CDH2: variants seen among roughly 807,000 people sequenced by gnomAD.
The protein encoded by CDH2 is cadherin 2, also known as cadherin-2.
A neutral mutation model predicts 92.0 loss-of-function variants in CDH2; 17 were observed. The observed-to-expected ratio is 0.18, with a 90% CI of 0.13 to 0.28. CDH2 has a LOEUF of 0.28. Among genes scored for constraint, CDH2 ranks in the 10% least tolerant of loss-of-function variants. CDH2 has a pLI of 1.00. For synonymous variants in CDH2, 419 were observed against 415.9 expected, an observed-to-expected ratio of 1.01 and a Z score of -0.09; for missense variants, 862 against 1,133.1, an observed-to-expected ratio of 0.76 and a Z score of 3.44.
intron 2 of CDH2, among the ~76,000 whole-genome samples, chr18:28,025,427 A>AGAAT (rs1292826843): frequency 3.3e-5 from 5 of 151,858 alleles, no homozygotes; most frequent in African/African-American, 7.3e-5. Context: ...CTGAGGCAGG[A>AGAAT]GAATTGCTTG....
intron 14 of CDH2, among the ~76,000 whole-genome samples, chr18:27,964,954 A>G (rs914070556): frequency 6.6e-6 from 1 of 152,208 alleles, no homozygotes; most frequent in Non-Finnish European, 1.5e-5. Context: ...AATGCTTAAA[A>G]TAACAAGGAG....
intron 2 of CDH2, among the ~76,000 whole-genome samples, chr18:28,069,999 C>T (rs2144165053): frequency 6.6e-6 from 1 of 152,204 alleles, no homozygotes; most frequent in African/African-American, 2.4e-5. Context: ...CCATAAGAAG[C>T]CTAGTAGGCA....
intron 4 of CDH2, among the ~76,000 whole-genome samples, chr18:28,010,617 A>C (rs1256112922): frequency 2.0e-5 from 3 of 152,210 alleles, no homozygotes; most frequent in Non-Finnish European, 4.4e-5. Flanking sequence ...GAGAAAAATA[A>C]GAGATCCTTA....
At chr18:28,134,016 C>T (rs763574239) in intron 2 of CDH2, among the ~76,000 whole-genome samples, 3 of 151,258 alleles carry the variant, frequency 2.0e-5, no homozygotes, top group Non-Finnish European at 2.9e-5. Flanking sequence ...TAAAAATTAG[C>T]GAGGCATGGT....
At chr18:28,117,774 C>T (rs189839835) in intron 2 of CDH2, among the ~76,000 whole-genome samples, 55 of 152,024 alleles carry the variant, frequency 3.6e-4, no homozygotes, top group African/African-American at 9.9e-4. Context: ...AATTTACAGA[C>T]GAGAAAATGG....
chr18:27,968,634 T>G (rs550345419), intron 14 of CDH2, among the ~76,000 whole-genome samples: 1 of 152,216 alleles, frequency 6.6e-6, no homozygotes, highest in Non-Finnish European at 1.5e-5. Flanking sequence ...CTCCACTGGT[T>G]AGAACCAGTG....
chr18:28,118,000 G>T (rs1231495207), intron 2 of CDH2, among the ~76,000 whole-genome samples: 1 of 151,898 alleles, frequency 6.6e-6, no homozygotes, highest in Admixed American at 6.6e-5. Flanking sequence ...AAAAATAAAA[G>T]CAAAGAGCAG....
chr18:27,950,620 G>C (rs1000264561), downstream of CDH2, among the ~76,000 whole-genome samples: 3 of 152,104 alleles, frequency 2.0e-5, no homozygotes, highest in Non-Finnish European at 4.4e-5. Flanking sequence ...GGCTCTAATG[G>C]GAAAGGCCTG....
rs1236743954 is a variant in CDH2 at position 28,032,231 on chromosome 18, C to A, written c.173-18322G>T. 2.0e-5 allele frequency among the ~76,000 whole-genome samples: 3 copies of A among 152,028 alleles called. No individual in the cohort carries two copies. In the East Asian group the frequency reaches 5.8e-4, roughly 29 times the overall value. On this transcript the variant is annotated intron_variant, in intron 2 of 15. Coordinates refer to ENST00000269141, the MANE Select transcript of CDH2 (RefSeq NM_001792.5). ...AGCTTCTCAGTAATAATATACAAAA[C>A]CAACAACAACAGTCTGGTGTTGAGC...
intron 2 of CDH2, among the ~76,000 whole-genome samples, chr18:28,107,662 A>G (rs760696741): frequency 1.3e-5 from 2 of 152,164 alleles, no homozygotes; most frequent in Non-Finnish European, 2.9e-5. Context: ...ATAAAGAAGC[A>G]GTCAATAAAA....
At chr18:28,121,519 G>T (rs1392609731) in intron 2 of CDH2, among the ~76,000 whole-genome samples, 1 of 151,936 alleles carries the variant, frequency 6.6e-6, no homozygotes, top group Non-Finnish European at 1.5e-5. Context: ...TCTATATTCT[G>T]CACCAACTCT....
At chr18:28,022,994 A>C (rs1200740818) in intron 2 of CDH2, among the ~76,000 whole-genome samples, 5 of 152,164 alleles carry the variant, frequency 3.3e-5, no homozygotes, top group South Asian at 4.1e-4. Context: ...AAAGAGAGTA[A>C]TATTTAAACA....
At chr18:28,104,997 T>C (rs1174820877) in intron 2 of CDH2, among the ~76,000 whole-genome samples, 2 of 152,212 alleles carry the variant, frequency 1.3e-5, no homozygotes, top group Admixed American at 6.5e-5. Flanking sequence ...ATCATGTTTA[T>C]TGAAGAAAAT....
At chr18:27,946,365 A>G (rs1267050762), downstream of CDH2, among the ~76,000 whole-genome samples, 1 of 152,144 alleles carries the variant, frequency 6.6e-6, no homozygotes, top group African/African-American at 2.4e-5. Flanking sequence ...GAAAGAAAAC[A>G]TAACCTAAGG....
chr18:28,144,861 C>A (rs896168871), intron 2 of CDH2, among the ~76,000 whole-genome samples: 3 of 151,978 alleles, frequency 2.0e-5, no homozygotes, highest in African/African-American at 4.8e-5. Context: ...TAAATGGAAG[C>A]TGTACAGTTA....
chr18:28,102,588 T>C (rs2015244889), intron 2 of CDH2, among the ~76,000 whole-genome samples: 1 of 152,180 alleles, frequency 6.6e-6, no homozygotes, highest in South Asian at 2.1e-4. Flanking sequence ...GAGCAGATTA[T>C]TTATTTTATA....
intron 2 of CDH2, among the ~76,000 whole-genome samples, chr18:28,086,257 T>A (rs1192036549): frequency 3.9e-5 from 6 of 152,158 alleles, no homozygotes; most frequent in African/African-American, 1.4e-4. Context: ...AGAAGTGGCT[T>A]TCCAGTGTTA....
rs540115000 is a variant in CDH2 at position 28,009,610 on chromosome 18, A to T, written c.702+107T>A. 1.9e-4 allele frequency: 161 copies of T among 856,636 alleles called. No individual in the cohort carries two copies. The African/African-American group carries it at 2.5e-3, about 13-fold the overall frequency. The allele number at this position is 856,636 out of a possible 1,614,324, so 53.1% of individuals were successfully genotyped here. A position where few individuals can be genotyped will look rare whatever the true frequency, so the allele number is the denominator to read the frequency against. ...CCAAAAGACTACAGATACAATTCTT[A>T]AAACTCTCAGTATTGAGGCTTTCAG... On this transcript the variant is annotated intron_variant, in intron 5 of 15. Coordinates refer to ENST00000269141, the MANE Select transcript of CDH2 (RefSeq NM_001792.5).
At chr18:28,071,619 C>T (rs1457579557) in intron 2 of CDH2, among the ~76,000 whole-genome samples, 1 of 152,130 alleles carries the variant, frequency 6.6e-6, no homozygotes, top group Non-Finnish European at 1.5e-5. Flanking sequence ...AAATAATTAA[C>T]AAACCACTGG....
Sources: gnomAD v4.1 joint callset for allele counts (sites outside exome capture counted in the v4.1 genomes callset) on GRCh38, gnomAD v4.1.1 for gene constraint, MANE v1.5 for transcripts, NCBI Gene and HGNC (gene_info 2026-07-23, HGNC 2026-07-21) for gene names.